PDHX: variants seen among roughly 807,000 people sequenced by gnomAD.
The protein encoded by PDHX is pyruvate dehydrogenase complex component X.
PDHX carries 33 observed loss-of-function variants against 55.3 expected under a neutral mutation model. The ratio of observed to expected loss-of-function variants is 0.60; its 90% CI spans 0.45 to 0.80. The LOEUF is 0.80. Ranked by LOEUF, PDHX falls within the 30% of genes least tolerant of loss-of-function variation. The pLI, the probability that PDHX is intolerant of heterozygous loss-of-function variation, is 0.00. For missense variants in PDHX, 622 were observed against 619.9 expected (o/e 1.00, Z -0.04); for synonymous variants, 226 against 219.4 (o/e 1.03, Z -0.27).
At chr11:34,977,216 G>A (rs1855398028) in intron 7 of PDHX, among the ~76,000 whole-genome samples, 1 of 152,012 alleles carries the variant, frequency 6.6e-6, no homozygotes, top group South Asian at 2.1e-4. Flanking sequence ...TTTAGTAATA[G>A]GATAGGTTTT....
At chr11:34,984,870 C>A in intron 9 of PDHX, 142 bp downstream of exon 9, 1 of 798,300 alleles carries the variant, frequency 1.3e-6, no homozygotes, top group Non-Finnish European at 2.2e-6. Flanking sequence ...AAGTGATTGT[C>A]ACATATATAT....
At chr11:34,960,895 G>A (rs527589773) in intron 5 of PDHX, among the ~76,000 whole-genome samples, 2 of 152,156 alleles carry the variant, frequency 1.3e-5, no homozygotes, top group African/African-American at 4.8e-5. Flanking sequence ...TTATCCCTTT[G>A]AATTTTATTC....
chr11:34,953,695 G>A (rs1042449992), intron 3 of PDHX, among the ~76,000 whole-genome samples: 5 of 152,092 alleles, frequency 3.3e-5, no homozygotes, highest in Admixed American at 2.6e-4. Flanking sequence ...ATTTGGTAGC[G>A]ATTATATTGG....
At chr11:34,938,943 C>T (rs954129932) in intron 2 of PDHX, among the ~76,000 whole-genome samples, 2 of 152,188 alleles carry the variant, frequency 1.3e-5, no homozygotes, top group African/African-American at 4.8e-5. Context: ...TGCCAAAACA[C>T]AGTAAATAAT....
rs1268943775 is a variant in PDHX, at chr11:34,947,547, A to G, written c.283A>G (p.Thr95Ala). 6.2e-7 allele frequency: 1 copy of G among 1,613,534 alleles called. No individual in the cohort carries two copies. The highest frequency in any genetic ancestry group is 1.3e-5 in the African/African-American group (1 of 74,912). The part of the protein sequence containing the change: ...SAGDALCEIE[T>A]DKAVVTLDAS... ...TGGAGATGCATTATGTGAAATTGAG[A>G]CTGACAAAGCTGTGGTTACCTTAGA... The change falls in exon 3 of 11, where the codon ACT becomes GCT. Residue 95 changes from threonine to alanine, a missense_variant. Physicochemically the swap from Thr to Ala is moderately conservative, Grantham distance 58. Coordinates refer to ENST00000227868, the MANE Select transcript of PDHX (RefSeq NM_003477.3).
At chr11:34,944,999 A>T (rs2986403) in intron 2 of PDHX, among the ~76,000 whole-genome samples, 2 of 151,900 alleles carry the variant, frequency 1.3e-5, no homozygotes. Context: ...TAGATAATCA[A>T]CTTCTTATTT....
chr11:34,927,153 TAG>T (rs1298569610), intron 1 of PDHX, among the ~76,000 whole-genome samples: 1 of 152,038 alleles, frequency 6.6e-6, no homozygotes, highest in Non-Finnish European at 1.5e-5. Context: ...TGTGGAAGGG[TAG>T]ACTTCACAAG....
intron 10 of PDHX, among the ~76,000 whole-genome samples, chr11:34,992,816 G>C (rs1321440927): frequency 6.6e-6 from 1 of 152,140 alleles, no homozygotes; most frequent in Non-Finnish European, 1.5e-5. Context: ...ATGGTGCTAT[G>C]AACATTCTTA....
intron 7 of PDHX, among the ~76,000 whole-genome samples, chr11:34,976,259 C>G (rs982232844): frequency 1.3e-5 from 2 of 152,156 alleles, no homozygotes; most frequent in African/African-American, 4.8e-5. Flanking sequence ...ACATAACATT[C>G]TGTATGCATG....
intron 6 of PDHX, among the ~76,000 whole-genome samples, chr11:34,967,429 C>A (rs774453664): frequency 9.2e-5 from 14 of 152,178 alleles, no homozygotes; most frequent in Non-Finnish European, 5.9e-5. Flanking sequence ...TCTACAATCT[C>A]ATGTTTCATG....
chr11:34,915,981 T>C (rs2037993926), upstream of PDHX: 1 of 584,422 alleles, frequency 1.7e-6, no homozygotes, highest in Non-Finnish European at 3.0e-6. Context: ...TATTTGCTTC[T>C]TTCCAACGTT....
In PDHX at chr11:34,995,161, C is replaced by T. The variant is rs374272120; in HGVS notation, c.1495C>T (p.Arg499Ter). 36 of 1,613,664 alleles carry T rather than the reference C, an allele frequency of 2.2e-5. No individual in the cohort carries two copies. Among genetic ancestry groups the T allele is most frequent in the Middle Eastern group, 1.6e-4 (1 of 6,066 alleles). Residue 499 changes from arginine to a stop codon, truncating the protein, a stop_gained, in exon 11 of 11, where the codon CGA becomes TGA. Coordinates refer to ENST00000227868, the MANE Select transcript of PDHX (RefSeq NM_003477.3). LOFTEE classifies it high-confidence loss of function. ...TAAAGCAAACCTAGAGAATCCTATC[C>T]GACTTGCCTAGTCCTCAAAGATAAG... ...SFKANLENPI[R>*]LA is the part of the protein sequence containing the mutation.
intron 9 of PDHX, among the ~76,000 whole-genome samples, chr11:34,985,708 A>G (rs1336293373): frequency 6.6e-6 from 1 of 152,190 alleles, no homozygotes. Flanking sequence ...TCCATTTGCC[A>G]AGGACCTGTT....
chr11:34,989,918 A>G (rs917753273), intron 9 of PDHX, among the ~76,000 whole-genome samples: 1 of 152,174 alleles, frequency 6.6e-6, no homozygotes, highest in Non-Finnish European at 1.5e-5. Context: ...AATTTATTTT[A>G]AAACAAATTT....
intron 8 of PDHX, among the ~76,000 whole-genome samples, chr11:34,981,695 A>C (rs1352672178): frequency 6.6e-6 from 1 of 152,126 alleles, no homozygotes; most frequent in Non-Finnish European, 1.5e-5. Context: ...TTGCCATTCT[A>C]ACTGGTGTGA....
chr11:34,957,109 T>G (rs1854919914), intron 3 of PDHX, among the ~76,000 whole-genome samples: 1 of 152,204 alleles, frequency 6.6e-6, no homozygotes, highest in Non-Finnish European at 1.5e-5. Context: ...TCTTACATGT[T>G]TATTTGAAGG....
At chr11:34,977,835 C>T (rs1463084446) in intron 7 of PDHX, 5 of 494,840 alleles carry the variant, frequency 1.0e-5, no homozygotes, top group Non-Finnish European at 2.0e-5. Context: ...TCTGATTATG[C>T]TTGTAATGGG....
chr11:34,977,272 A>G lies in PDHX; in HGVS notation c.965-852A>G, dbSNP rs370911125. Reference sequence around the variant, plus strand: ...GATCTAGATCTTAGAGTCTTTTTCTATAAGCTCTTGCAAGAAAGAATCAAG... The same window carrying G: ...GATCTAGATCTTAGAGTCTTTTTCTGTAAGCTCTTGCAAGAAAGAATCAAG... On this transcript the variant is annotated intron_variant, in intron 7 of 10. Coordinates refer to ENST00000227868, the MANE Select transcript of PDHX (RefSeq NM_003477.3). Among the ~76,000 whole-genome samples, 25 of 152,266 alleles carry G rather than the reference A, an allele frequency of 1.6e-4. No homozygotes were observed. The East Asian group carries it at 4.4e-3, about 27-fold the overall frequency.
rs78897635 is a variant in PDHX, at chr11:34,971,315, T to C, written c.964+1029T>C. 5.1e-3 allele frequency among the ~76,000 whole-genome samples: 777 copies of C among 152,284 alleles called. 7 individuals are homozygous for C. Among genetic ancestry groups the C allele is most frequent in the African/African-American group, 0.017 (727 of 41,582 alleles). ...GCCTTTATATTATTTTCTTGTCTTA[T>C]TGCACTGACTAGGACCTCTGTCTGG... On this transcript the variant is annotated intron_variant, in intron 7 of 10. Coordinates refer to ENST00000227868, the MANE Select transcript of PDHX (RefSeq NM_003477.3).
Sources: allele counts gnomAD v4.1 joint callset (sites outside exome capture counted in the v4.1 genomes callset), GRCh38; gene constraint gnomAD v4.1.1; transcripts MANE v1.5; gene names NCBI Gene and HGNC (gene_info 2026-07-23, HGNC 2026-07-21).